DGKG: variants seen among roughly 807,000 people sequenced by gnomAD.
DGKG encodes the protein diacylglycerol kinase gamma.
Under a neutral mutation model 105.3 loss-of-function variants are expected in DGKG, and 78 were observed. That is an observed-to-expected ratio of 0.74 (90% CI 0.62 to 0.89). The LOEUF is 0.89. DGKG is among the 40% of genes least tolerant of loss of function. The pLI is 0.00. For missense variants in DGKG, 958 were observed against 1,020.1 expected, an observed-to-expected ratio of 0.94 and a Z score of 0.83; for synonymous variants, 346 against 367.1, an observed-to-expected ratio of 0.94 and a Z score of 0.66.
chr3:186,270,551 T>A (rs1722267697), intron 11 of DGKG, among the ~76,000 whole-genome samples: 1 of 152,276 alleles, frequency 6.6e-6, no homozygotes, highest in Admixed American at 6.5e-5. Context: ...TATCACCTTG[T>A]GCCTTGCACT....
chr3:186,331,994 A>G (rs143018184), intron 1 of DGKG, among the ~76,000 whole-genome samples: 19 of 99,984 alleles, frequency 1.9e-4, no homozygotes, highest in Non-Finnish European at 1.2e-4. Flanking sequence ...GAGACTGTAT[A>G]GGAATCTAAG....
intron 20 of DGKG, among the ~76,000 whole-genome samples, chr3:186,230,536 G>T (rs1398793934): frequency 6.6e-6 from 1 of 152,128 alleles, no homozygotes; most frequent in East Asian, 1.9e-4. Flanking sequence ...ATGTTATAAA[G>T]GGCGCTAAAT....
intron 18 of DGKG, among the ~76,000 whole-genome samples, chr3:186,252,169 G>A (rs1210902049): frequency 6.6e-6 from 1 of 152,224 alleles, no homozygotes; most frequent in African/African-American, 2.4e-5. Flanking sequence ...TAGCTGAAGC[G>A]AAGCAAACCC....
chr3:186,208,444 A>AG (rs1718860243), intron 21 of DGKG, among the ~76,000 whole-genome samples: 10 of 276 alleles, frequency 0.036, no homozygotes, highest in Admixed American at 0.11. Context: ...AAAAAGAAGA[A>AG]AAAAAAAAGG....
rs971284239 is a variant in DGKG, at chr3:186,279,734, T to C, written c.792+117A>G. On this transcript the variant is annotated intron_variant, in intron 9 of 24. Coordinates refer to ENST00000265022, the MANE Select transcript of DGKG (RefSeq NM_001346.3). ...TAAATAGAGAGGACTTTGGGGCTGGTCATGGCACGTCTGTTGGGCAGTCTG... is the reference window on the plus strand; with the variant it reads ...TAAATAGAGAGGACTTTGGGGCTGGCCATGGCACGTCTGTTGGGCAGTCTG... The C allele has an allele frequency of 2.5e-6, 3 of 1,218,404 alleles. No homozygotes were observed. The African/African-American group carries it at 4.6e-5, about 19-fold the overall frequency. The allele number at this position is 1,218,404 out of a possible 1,614,324, so 75.5% of individuals were successfully genotyped here. A position where few individuals can be genotyped will look rare whatever the true frequency, so the allele number is the denominator to read the frequency against.
intron 1 of DGKG, among the ~76,000 whole-genome samples, chr3:186,337,786 T>A (rs1725898597): frequency 6.6e-6 from 1 of 152,162 alleles, no homozygotes; most frequent in Non-Finnish European, 1.5e-5. Context: ...ACAAAATCAA[T>A]ATTAAAAAAT....
At chr3:186,274,917 T>G (rs1722506763) in intron 10 of DGKG, among the ~76,000 whole-genome samples, 1 of 152,160 alleles carries the variant, frequency 6.6e-6, no homozygotes, top group African/African-American at 2.4e-5. Flanking sequence ...ATGGGATGGC[T>G]GGGTCAAATG....
At position 186,280,944 on chromosome 3, in the gene DGKG, A is replaced by G. The variant is rs112768616; in HGVS notation, c.595-200T>C. On this transcript the variant is annotated intron_variant, in intron 7 of 24. Transcript: ENST00000265022. ...AGCTCACGAGAAGCACAGAGCATGC[A>G]TAAGCTGGAGGTATGCAAAAAGCTC... The G allele has an allele frequency of 2.5e-3, 1,336 of 542,820 alleles. 20 individuals are homozygous for G. Among genetic ancestry groups the G allele is most frequent in the African/African-American group, 0.023 (1,217 of 52,936 alleles). 33.6% of individuals were successfully genotyped at this position (542,820 alleles called of 1,614,324 possible). A position where few individuals can be genotyped will look rare whatever the true frequency, so the allele number is the denominator to read the frequency against.
At position 186,270,081 on chromosome 3, in the gene DGKG, A is replaced by T. The variant is rs140708514; in HGVS notation, c.1000-1164T>A. ...CCTAGCCACAAGCACGGTATTAAAA[A>T]CCCAGGAAATATCTGCGTGATTCTG... On this transcript the variant is annotated intron_variant, in intron 11 of 24. Transcript: ENST00000265022. 2.2e-3 allele frequency among the ~76,000 whole-genome samples: 335 copies of T among 152,170 alleles called. 3 individuals carry two copies. The highest frequency in any genetic ancestry group is 7.7e-3 in the African/African-American group (320 of 41,534).
intron 3 of DGKG, among the ~76,000 whole-genome samples, chr3:186,299,827 T>TTCTTTC (rs1553815845): frequency 0.042 from 4,491 of 107,392 alleles, 193 homozygotes; most frequent in Non-Finnish European, 0.058. Flanking sequence ...CTTTCTTTCT[T>TTCTTTC]TCTTTCTTTC....
In DGKG at chr3:186,299,821, CTTTCTTTCTTTCTTTCTTTT is replaced by C. The variant is rs1210355420; in HGVS notation, c.145-1612_145-1593del. ...TCTTTCTTTCTTTCTTTCTTTCTTT[CTTTCTTTCTTTCTTTCTTTT>C]TTTTTTTTTTTGAGATAGAGCCTTG... On this transcript the variant is annotated intron_variant, in intron 3 of 24. Coordinates refer to ENST00000265022, the MANE Select transcript of DGKG (RefSeq NM_001346.3). Among the ~76,000 whole-genome samples, 486 of 99,456 alleles carry C rather than the reference CTTTCTTTCTTTCTTTCTTTT, an allele frequency of 4.9e-3. 6 individuals carry two copies. Among genetic ancestry groups the C allele is most frequent in the Middle Eastern group, 9.2e-3 (2 of 218 alleles). 65.2% of individuals were successfully genotyped at this position (99,456 alleles called of 152,430 possible). A position where few individuals can be genotyped will look rare whatever the true frequency, so the allele number is the denominator to read the frequency against.
At chr3:186,360,779 C>T (rs1727189324) in intron 1 of DGKG, among the ~76,000 whole-genome samples, 1 of 152,194 alleles carries the variant, frequency 6.6e-6, no homozygotes. Flanking sequence ...CCAGAGGGGT[C>T]GTTTCCAGTC....
At chr3:186,267,412 G>C (rs567819687) in intron 13 of DGKG, among the ~76,000 whole-genome samples, 1 of 152,128 alleles carries the variant, frequency 6.6e-6, no homozygotes, top group Non-Finnish European at 1.5e-5. Flanking sequence ...CAACAGAGAG[G>C]AGCAGAAAAG....
Position 186,284,833 on chromosome 3 carries a change from C to T in DGKG, c.545-124G>A. The T allele has an allele frequency of 5.4e-6, 4 of 735,246 alleles. No individual in the cohort carries two copies. The highest frequency in any genetic ancestry group is 1.6e-5 in the South Asian group (1 of 60,876). The allele number at this position is 735,246 out of a possible 1,614,324, so 45.5% of individuals were successfully genotyped here. On this transcript the variant is annotated intron_variant, in intron 6 of 24. Transcript: ENST00000265022. The surrounding 1 kb of genome is among the most constrained non-coding windows in gnomAD (Gnocchi z 4.0). ...CTGTGACGAAGGTTATGGCAGCCAGCTCTCCCTCCCTCTGAGCACAGAGTC... is the reference window on the plus strand; with the variant it reads ...CTGTGACGAAGGTTATGGCAGCCAGTTCTCCCTCCCTCTGAGCACAGAGTC...
chr3:186,246,471 T>C (rs1472558216), intron 19 of DGKG, among the ~76,000 whole-genome samples: 4 of 152,224 alleles, frequency 2.6e-5, no homozygotes, highest in Non-Finnish European at 5.9e-5. Context: ...ATGTGGCTGA[T>C]GGCTATTACA....
In DGKG at chr3:186,272,205, T is replaced by C. The variant is rs748338436; in HGVS notation, c.999+50A>G. 47 of 1,401,262 alleles carry C rather than the reference T, an allele frequency of 3.4e-5. 1 individual carries two copies. The highest frequency in any genetic ancestry group is 4.5e-5 in the Non-Finnish European group (44 of 987,472). The allele number at this position is 1,401,262 out of a possible 1,614,324, so 86.8% of individuals were successfully genotyped here. A position where few individuals can be genotyped will look rare whatever the true frequency, so the allele number is the denominator to read the frequency against. ...GCCCAGGAATCCATGTTGATGGACA[T>C]GTTTCCTGGATGAGGCATGCAGTAG... On this transcript the variant is annotated intron_variant, in intron 11 of 24. Transcript: ENST00000265022.
At chr3:186,261,445 G>T (rs955482542) in intron 15 of DGKG, among the ~76,000 whole-genome samples, 3 of 152,196 alleles carry the variant, frequency 2.0e-5, no homozygotes, top group Non-Finnish European at 4.4e-5. Flanking sequence ...AATGGCTCAC[G>T]TGGCAGGCTG....
chr3:186,235,643 C>T lies in DGKG; in HGVS notation c.1826+6861G>A, dbSNP rs138524260. Among the ~76,000 whole-genome samples the T allele has an allele frequency of 2.2e-3, 338 of 152,282 alleles. 1 individual carries two copies. The highest frequency in any genetic ancestry group is 7.8e-3 in the African/African-American group (326 of 41,548). On this transcript the variant is annotated intron_variant, in intron 20 of 24. Transcript: ENST00000265022. ...ATCATGATATATTTTATGCTTGTGA[C>T]GGCAGAGCATACTGCAGGTATTCAA...
chr3:186,259,579 AC>A (rs1242381522), intron 16 of DGKG, among the ~76,000 whole-genome samples: 1 of 152,036 alleles, frequency 6.6e-6, no homozygotes, highest in Non-Finnish European at 1.5e-5. Flanking sequence ...CAGAGTCCTT[AC>A]TCCAACCTCT....
Sources: allele counts gnomAD v4.1 joint callset (sites outside exome capture counted in the v4.1 genomes callset), GRCh38; gene constraint gnomAD v4.1.1; non-coding constraint Gnocchi (gnomAD v3.1); transcripts MANE v1.5; gene names NCBI Gene and HGNC (gene_info 2026-07-23, HGNC 2026-07-21).